Variants in CLNK observed in about 807,000 individuals in gnomAD.
The protein encoded by CLNK is cytokine dependent hematopoietic cell linker.
In CLNK, 74 loss-of-function variants were observed where a neutral mutation model predicts 68.6. That is an observed-to-expected ratio of 1.08 (90% CI 0.89 to 1.31). The LOEUF is 1.31. Among genes scored for constraint, CLNK ranks in the 50% most tolerant of loss-of-function variants. The pLI, the probability that CLNK is intolerant of heterozygous loss-of-function variation, is 0.00. For missense variants in CLNK, 553 were observed against 515.3 expected, an observed-to-expected ratio of 1.07 and a Z score of -0.71; for synonymous variants, 198 against 172.2, an observed-to-expected ratio of 1.15 and a Z score of -1.17.
chr4:10,637,762 T>G (rs1577188150), intron 2 of CLNK, among the ~76,000 whole-genome samples: 1 of 65,802 alleles, frequency 1.5e-5, no homozygotes, highest in African/African-American at 1.0e-4. Context: ...GCCCAGCTAA[T>G]TTTTTTTTTT....
intron 1 of CLNK, among the ~76,000 whole-genome samples, chr4:10,683,015 T>G (rs1431923332): frequency 6.6e-6 from 1 of 152,176 alleles, no homozygotes; most frequent in African/African-American, 2.4e-5. Flanking sequence ...AAGTCAACAC[T>G]TACTGAATAC....
rs372099572 is a variant in CLNK, at chr4:10,542,329, G to A, written c.446-49C>T. On this transcript the variant is annotated intron_variant, in intron 8 of 18. Transcript: ENST00000226951. The stretch of plus-strand genomic sequence containing the variant: ...GTGAATTTATGGAAAATGTCATCAA[G>A]CATTGATTTTATACACGCTTACATG... The A allele has an allele frequency of 1.6e-4, 207 of 1,286,048 alleles. 2 individuals carry two copies. The highest frequency in any genetic ancestry group is 2.2e-4 in the Non-Finnish European group (197 of 913,514). The allele number at this position is 1,286,048 out of a possible 1,614,324, so 79.7% of individuals were successfully genotyped here.
chr4:10,663,743 G>T (rs1724283723), intron 2 of CLNK, among the ~76,000 whole-genome samples: 1 of 152,126 alleles, frequency 6.6e-6, no homozygotes, highest in Admixed American at 6.5e-5. Flanking sequence ...TTAAATGTTT[G>T]TGAACCCCTT....
At chr4:10,508,629 A>G (rs961573133) in intron 16 of CLNK, among the ~76,000 whole-genome samples, 8 of 152,214 alleles carry the variant, frequency 5.3e-5, no homozygotes. Flanking sequence ...GAGATGCATC[A>G]TGGACTTGCA....
At chr4:10,603,029 C>G (rs1220861115) in intron 2 of CLNK, among the ~76,000 whole-genome samples, 1 of 152,142 alleles carries the variant, frequency 6.6e-6, no homozygotes. Context: ...AATTTCTCAC[C>G]TTTTCAGAGA....
At chr4:10,539,819 A>G (rs977931014) in intron 11 of CLNK, among the ~76,000 whole-genome samples, 1 of 152,178 alleles carries the variant, frequency 6.6e-6, no homozygotes, top group Admixed American at 6.5e-5. Flanking sequence ...GCTGGGGGCC[A>G]ATATTGGTCC....
At chr4:10,621,183 G>C (rs1184413836) in intron 2 of CLNK, among the ~76,000 whole-genome samples, 1 of 152,148 alleles carries the variant, frequency 6.6e-6, no homozygotes, top group East Asian at 1.9e-4. Flanking sequence ...AGACACTTCT[G>C]TTTGGCTCAA....
chr4:10,553,001 G>A (rs772114533), intron 8 of CLNK, among the ~76,000 whole-genome samples: 2 of 152,060 alleles, frequency 1.3e-5, no homozygotes, highest in Non-Finnish European at 1.5e-5. Context: ...AAAAGAGAGA[G>A]GGCAAACTTA....
At chr4:10,694,692 A>G in the CLNK span, among the ~76,000 whole-genome samples, 2 of 152,064 alleles carry the variant, frequency 1.3e-5, no homozygotes, top group African/African-American at 4.8e-5. Context: ...ATTTCTTAGA[A>G]CTCACCCGAG....
At position 10,489,200 on chromosome 4, in the gene CLNK, G is replaced by C. The variant is rs1716462569; in HGVS notation, c.*1267C>G. ...TGGGCTCTCTTCTCATATTGAGTAA[G>C]ATCAATAGCTACTTCGAGCCTCTGT... On this transcript the variant is annotated 3_prime_UTR_variant, in exon 19 of 19. Coordinates refer to ENST00000226951, the MANE Select transcript of CLNK (RefSeq NM_052964.4). 1 of 152,108 alleles carries C rather than the reference G, an allele frequency of 6.6e-6. No homozygotes were observed. Among genetic ancestry groups the C allele is most frequent in the African/African-American group, 2.4e-5 (1 of 41,428 alleles). 9.4% of individuals were successfully genotyped at this position (152,108 alleles called of 1,614,324 possible).
intron 11 of CLNK, among the ~76,000 whole-genome samples, chr4:10,532,696 A>T (rs752896261): frequency 6.6e-6 from 1 of 152,186 alleles, no homozygotes; most frequent in Admixed American, 6.5e-5. Flanking sequence ...TGTCAGGTGC[A>T]GTGGGGTCTC....
chr4:10,558,266 A>G (rs894045954), intron 8 of CLNK, 141 bp downstream of exon 8: 3 of 660,592 alleles, frequency 4.5e-6, no homozygotes, highest in South Asian at 4.1e-5. Context: ...CTAAAATTAG[A>G]TAGTTATTTC....
At chr4:10,620,396 G>A (rs1489594347) in intron 2 of CLNK, among the ~76,000 whole-genome samples, 1 of 152,128 alleles carries the variant, frequency 6.6e-6, no homozygotes, top group Non-Finnish European at 1.5e-5. Flanking sequence ...CTATCCTAAA[G>A]TCACCTCACT....
Position 10,526,664 on chromosome 4 carries a change from C to T in CLNK, c.650-742G>A, listed in dbSNP as rs552755770. On this transcript the variant is annotated intron_variant, in intron 13 of 18. Transcript: ENST00000226951. ...GGCAGGTGAGCTCCTAGGGTTCTCA[C>T]GTAGACCAGCAGTCCCTAGCTAGGT... Among the ~76,000 whole-genome samples the T allele has an allele frequency of 2.6e-5, 4 of 152,262 alleles. No individual in the cohort carries two copies. The South Asian group carries it at 6.2e-4, about 24-fold the overall frequency.
chr4:10,671,856 G>A (rs1325971364), intron 1 of CLNK, among the ~76,000 whole-genome samples: 2 of 152,162 alleles, frequency 1.3e-5, no homozygotes, highest in African/African-American at 4.8e-5. Flanking sequence ...ATTGGCTTAG[G>A]TCAGCAAACT....
chr4:10,491,684 A>G (rs1305536257), intron 18 of CLNK, among the ~76,000 whole-genome samples: 1 of 152,240 alleles, frequency 6.6e-6, no homozygotes, highest in African/African-American at 2.4e-5. Flanking sequence ...ATAAGTAGAC[A>G]GGAGGGTTTA....
At chr4:10,711,579 T>TA in the CLNK span, among the ~76,000 whole-genome samples, 9 of 144,958 alleles carry the variant, frequency 6.2e-5, no homozygotes, top group Non-Finnish European at 1.4e-4. Flanking sequence ...ACTGGAAAGA[T>TA]ACTTTTATTC....
intron 2 of CLNK, among the ~76,000 whole-genome samples, chr4:10,644,460 G>C (rs1023369515): frequency 1.3e-5 from 2 of 152,156 alleles, no homozygotes; most frequent in African/African-American, 2.4e-5. Context: ...GATGAGAAAA[G>C]TGAGACACAC....
chr4:10,658,932 G>C (rs750967030), intron 2 of CLNK, among the ~76,000 whole-genome samples: 10 of 152,238 alleles, frequency 6.6e-5, no homozygotes, highest in Non-Finnish European at 1.3e-4. Flanking sequence ...TGTAATCACA[G>C]TTTTTGCTAT....
Sources: gnomAD v4.1 joint callset for allele counts (sites outside exome capture counted in the v4.1 genomes callset) on GRCh38, gnomAD v4.1.1 for gene constraint, MANE v1.5 for transcripts, NCBI Gene and HGNC (gene_info 2026-07-23, HGNC 2026-07-21) for gene names.